The following ENTHD1 variants were observed in gnomAD, a reference collection of about 807,000 sequenced individuals.
ENTHD1 encodes ENTH domain containing 1.
A neutral mutation model predicts 39.1 loss-of-function variants in ENTHD1; 23 were observed. The observed-to-expected ratio is 0.59, with a 90% confidence interval of 0.42 to 0.83. ENTHD1 has a LOEUF of 0.83. Ranked by LOEUF, ENTHD1 falls within the 40% of genes least tolerant of loss-of-function variation. ENTHD1 has a pLI of 0.00. For missense variants in ENTHD1, 624 were observed against 705.4 expected, an observed-to-expected ratio of 0.88 and a Z score of 1.31; for synonymous variants, 230 against 258.2, an observed-to-expected ratio of 0.89 and a Z score of 1.05.
chr22:39,781,093 C>G (rs1187231052), intron 5 of ENTHD1, among the ~76,000 whole-genome samples: 1 of 151,782 alleles, frequency 6.6e-6, no homozygotes, highest in Non-Finnish European at 1.5e-5. Context: ...CAGTAATGGA[C>G]AGATCATCCA....
At position 39,861,931 on chromosome 22, in the gene ENTHD1, T is replaced by C; in HGVS notation, c.426A>G (p.Glu142=). ...TACGCTGTCTAGTCCGACATGCCAC[T>C]TCCCTCTCTTTACACAGCAATGGTT... The part of the protein sequence containing the change: ...MDEPLLCKER[E]VACRTRQRTS... Residue 142 remains glutamate (E), a synonymous_variant, in exon 3 of 7, where the codon GAA becomes GAG. Transcript: ENST00000325157. 1.3e-6 allele frequency: 2 copies of C among 1,598,478 alleles called. No homozygotes were observed. The highest frequency in any genetic ancestry group is 1.7e-6 in the Non-Finnish European group (2 of 1,169,458).
At chr22:39,840,616 A>G (rs1182233309) in intron 3 of ENTHD1, among the ~76,000 whole-genome samples, 1 of 152,242 alleles carries the variant, frequency 6.6e-6, no homozygotes, top group African/African-American at 2.4e-5. Context: ...ATTGCATTAT[A>G]GAAAATATTC....
At chr22:39,805,400 G>C (rs1254501617) in intron 5 of ENTHD1, among the ~76,000 whole-genome samples, 1 of 152,174 alleles carries the variant, frequency 6.6e-6, no homozygotes, top group Non-Finnish European at 1.5e-5. Context: ...AGCAGTTTTT[G>C]CGCATTAGAG....
chr22:39,875,256 A>G, intron 2 of ENTHD1: 3 of 1,181,722 alleles, frequency 2.5e-6, no homozygotes, highest in Non-Finnish European at 2.1e-6. Context: ...TATAAATTTT[A>G]AGAACAAATG....
intron 2 of ENTHD1, among the ~76,000 whole-genome samples, chr22:39,882,094 A>G (rs74915771): frequency 0.061 from 9,254 of 152,226 alleles, 382 homozygotes; most frequent in South Asian, 0.12. Flanking sequence ...TTTATCTAGC[A>G]GTTTTTCTTT....
Position 39,774,123 on chromosome 22 carries a change from T to C in ENTHD1, c.833-8514A>G, listed in dbSNP as rs192379578. Among the ~76,000 whole-genome samples the C allele has an allele frequency of 9.8e-5, 15 of 152,306 alleles. No homozygotes were observed. The East Asian group carries it at 2.9e-3, about 29-fold the overall frequency. ...CAGGATTGATGAGAAAGAATGAAAC[T>C]GAAATCTTAAGACCATTTCTTTGAA... is the stretch of plus-strand genomic sequence containing the variant. On this transcript the variant is annotated intron_variant, in intron 5 of 6. Coordinates refer to ENST00000325157, the MANE Select transcript of ENTHD1 (RefSeq NM_152512.4).
chr22:39,887,428 C>A lies in ENTHD1; in HGVS notation c.321G>T (p.Gln107His), dbSNP rs1362587220. Residue 107 changes from glutamine to histidine, a missense_variant, in exon 2 of 7, where the codon CAG (glutamine) becomes CAT (histidine). Physicochemically the swap from Gln to His is conservative, Grantham distance 24. Coordinates refer to ENST00000325157, the MANE Select transcript of ENTHD1 (RefSeq NM_152512.4). The stretch of plus-strand genomic sequence containing the variant: ...GGTCTTTTCCAGCTTCATCTATGTG[C>A]TGAAAATCTTTTAGTGTTTGAAGGT... ...FCNLQTLKDF[Q>H]HIDEAGKDQG... 6.2e-7 allele frequency: 1 copy of A among 1,611,402 alleles called. No individual in the cohort carries two copies. The highest frequency in any genetic ancestry group is 8.5e-7 in the Non-Finnish European group (1 of 1,178,906).
At chr22:39,893,612 G>C (rs891789707) in intron 1 of ENTHD1, 83 bp downstream of exon 1, 1 of 152,380 alleles carries the variant, frequency 6.6e-6, no homozygotes, top group African/African-American at 2.4e-5. Context: ...GACGGTGCCG[G>C]CAAGAAACGG....
intron 5 of ENTHD1, among the ~76,000 whole-genome samples, chr22:39,814,310 A>G (rs2146638139): frequency 6.6e-6 from 1 of 151,554 alleles, no homozygotes; most frequent in East Asian, 1.9e-4. Flanking sequence ...AAAAAAAAAA[A>G]ATAACCAGGT....
chr22:39,875,299 G>T (rs964893877), intron 2 of ENTHD1: 1 of 1,250,900 alleles, frequency 8.0e-7, no homozygotes, highest in Non-Finnish European at 1.0e-6. Context: ...AAATTCGGTC[G>T]GTCGCAGCCC....
intron 2 of ENTHD1, among the ~76,000 whole-genome samples, chr22:39,883,855 CAAAA>C (rs137949): frequency 1.5e-5 from 1 of 68,592 alleles, no homozygotes; most frequent in African/African-American, 6.1e-5. Flanking sequence ...CTCTGTCCCA[CAAAA>C]AAAAAAAAAA....
intron 4 of ENTHD1, among the ~76,000 whole-genome samples, chr22:39,833,754 C>G (rs1601627105): frequency 6.6e-6 from 1 of 151,328 alleles, no homozygotes; most frequent in Non-Finnish European, 1.5e-5. Context: ...AAGTGAAAAT[C>G]AACAGTAGAA....
intron 5 of ENTHD1, among the ~76,000 whole-genome samples, chr22:39,767,625 C>T (rs1225838510): frequency 6.6e-6 from 1 of 152,140 alleles, no homozygotes; most frequent in African/African-American, 2.4e-5. Context: ...CATTGACTTT[C>T]ATTTTACATG....
intron 6 of ENTHD1, among the ~76,000 whole-genome samples, chr22:39,749,872 C>T (rs1310429232): frequency 6.6e-6 from 1 of 152,110 alleles, no homozygotes; most frequent in Non-Finnish European, 1.5e-5. Context: ...GATCTCACAC[C>T]CCTCAGTGAG....
chr22:39,887,723 T>C lies in ENTHD1; in HGVS notation c.26A>G (p.Asn9Ser). The C allele has an allele frequency of 6.3e-7, 1 of 1,581,460 alleles. No homozygotes were observed. The highest frequency in any genetic ancestry group is 8.6e-7 in the Non-Finnish European group (1 of 1,165,906). ...AGCATCTGAGTAATTTTTCACAAAG[T>C]TTTTCACTTGTCTCCTGAACGCCAT... Reference protein sequence around the residue: MAFRRQVKNFVKNYSDAEI... With the variant: MAFRRQVKSFVKNYSDAEI... Residue 9 changes from asparagine to serine, a missense_variant, in exon 2 of 7, where the codon AAC becomes AGC. Physicochemically the swap from Asn to Ser is conservative, Grantham distance 46. Transcript: ENST00000325157.
At chr22:39,804,860 T>G (rs1162756010) in intron 5 of ENTHD1, among the ~76,000 whole-genome samples, 1 of 152,126 alleles carries the variant, frequency 6.6e-6, no homozygotes, top group African/African-American at 2.4e-5. Context: ...AGATAAAGAT[T>G]TGGGAAGTAT....
chr22:39,799,354 A>G (rs937787904), intron 5 of ENTHD1, among the ~76,000 whole-genome samples: 2 of 152,180 alleles, frequency 1.3e-5, no homozygotes, highest in African/African-American at 2.4e-5. Context: ...GTGCACCTCC[A>G]TTCCCCTGGG....
At chr22:39,860,530 T>C (rs935987639) in intron 3 of ENTHD1, among the ~76,000 whole-genome samples, 5 of 152,342 alleles carry the variant, frequency 3.3e-5, no homozygotes, top group Non-Finnish European at 7.3e-5. Flanking sequence ...TCTTATAATG[T>C]CTCTCTCCAA....
intron 5 of ENTHD1, among the ~76,000 whole-genome samples, chr22:39,804,057 A>G: frequency 6.6e-6 from 1 of 151,980 alleles, no homozygotes; most frequent in East Asian, 1.9e-4. Flanking sequence ...CCAGCTACTC[A>G]GAAGATGGAG....
Sources: allele counts gnomAD v4.1 joint callset (sites outside exome capture counted in the v4.1 genomes callset), GRCh38; gene constraint gnomAD v4.1.1; transcripts MANE v1.5; gene names NCBI Gene and HGNC (gene_info 2026-07-23, HGNC 2026-07-21).